The following GAK variants were observed in gnomAD, a reference collection of about 807,000 sequenced individuals.
The protein encoded by GAK is cyclin-G-associated kinase.
In GAK, 79 loss-of-function variants were observed where a neutral mutation model predicts 143.9. The observed-to-expected ratio is 0.55, with a 90% CI of 0.46 to 0.66. The LOEUF is 0.66. Among genes scored for constraint, GAK ranks in the 30% least tolerant of loss-of-function variants. The pLI is 0.00. For missense variants in GAK, 1,693 were observed against 1,779.7 expected (o/e 0.95, Z 0.88); for synonymous variants, 881 against 765.5 (o/e 1.15, Z -2.49).
chr4:851,913 G>A lies in GAK; in HGVS notation c.3345C>T (p.Gly1115=). The A allele has an allele frequency of 6.2e-7, 1 of 1,613,442 alleles. No homozygotes were observed. The highest frequency in any genetic ancestry group is 1.1e-5 in the South Asian group (1 of 91,060). The change falls in exon 25 of 28, where the codon GGC becomes GGT. Residue 1115 remains glycine, a synonymous_variant. Coordinates refer to ENST00000314167, the MANE Select transcript of GAK (RefSeq NM_005255.4). ...GCCGACTTGTCTGCCAGGAGCTGCT[G>A]CCTTTGGGCGTGGTGGCCGTTTTGG... The part of the protein sequence containing the change: ...FIPKTATTPK[G]SSSWQTSRPP...
At position 866,529 on chromosome 4, in the gene GAK, G is replaced by T; in HGVS notation, c.2878C>A (p.Pro960Thr). Residue 960 changes from proline to threonine, a missense_variant, in exon 22 of 28, where the codon CCC becomes ACC. By Grantham distance (38) the Pro-to-Thr change is conservative. Transcript: ENST00000314167. ...PRGGPPAAAD[P>T]FGPLLPSSGN... ...GAAGACGGCAGAAGCGGGCCAAAGG[G>T]GTCAGCTGTGGGGACAGGCGGGCAT... The T allele has an allele frequency of 6.2e-7, 1 of 1,613,382 alleles. No homozygotes were observed. The highest frequency in any genetic ancestry group is 1.1e-5 in the South Asian group (1 of 91,004).
At chr4:924,436 T>A (rs11723135) in intron 1 of GAK, among the ~76,000 whole-genome samples, 85,702 of 151,872 alleles carry the variant, frequency 0.56, 24,654 homozygotes, top group South Asian at 0.67. Flanking sequence ...AAATCAGCAA[T>A]CCTACTCCTT....
intron 24 of GAK, among the ~76,000 whole-genome samples, chr4:856,441 AGCT>A (rs1313601410): frequency 8.2e-6 from 1 of 122,586 alleles, no homozygotes; most frequent in Admixed American, 8.5e-5. Flanking sequence ...TGCTCACCAC[AGCT>A]GCTCACTACA....
Position 911,118 on chromosome 4 carries a change from C to A in GAK, c.382+555G>T, listed in dbSNP as rs924799289. Among the ~76,000 whole-genome samples, 19 of 152,264 alleles carry A rather than the reference C, an allele frequency of 1.2e-4. 3 individuals carry two copies. The highest frequency in any genetic ancestry group is 1.9e-4 in the East Asian group (1 of 5,178). On this transcript the variant is annotated intron_variant, in intron 4 of 27. Transcript: ENST00000314167. The stretch of plus-strand genomic sequence containing the variant: ...TGTCCTGACAAACGGACCATGGAGT[C>A]GTTGTGCCATCTTCCTGGGCTCAAC...
Position 849,647 on chromosome 4 carries a change from T to C in GAK, c.*26A>G, listed in dbSNP as rs1747702425. 2 of 1,566,964 alleles carry C rather than the reference T, an allele frequency of 1.3e-6. No homozygotes were observed. Among genetic ancestry groups the C allele is most frequent in the Non-Finnish European group, 1.8e-6 (2 of 1,141,500 alleles). On this transcript the variant is annotated 3_prime_UTR_variant, in exon 28 of 28. Coordinates refer to ENST00000314167, the MANE Select transcript of GAK (RefSeq NM_005255.4). Reference sequence around the variant, plus strand: ...CGACGGCTCCCAACCTGTGGAGCTGTGTGCGCAGCCACCACCACTGCGGCC... The same window carrying C: ...CGACGGCTCCCAACCTGTGGAGCTGCGTGCGCAGCCACCACCACTGCGGCC...
chr4:868,552 C>A lies in GAK; in HGVS notation c.2382G>T (p.Thr794=), dbSNP rs115244803. 10,516 of 1,607,490 alleles carry A rather than the reference C, an allele frequency of 6.5e-3. 43 individuals carry two copies. The highest frequency in any genetic ancestry group is 8.3e-3 in the Non-Finnish European group (9,730 of 1,178,484). ...GACGCTGCCTACCCTGCCAGTCCAG[C>A]GTGTGCAGGAAGCGACTGGCGTCCG... The part of the protein sequence containing the change: ...SSADASRFLH[T]LDWQEEKEAE... Residue 794 remains threonine (T), a synonymous_variant, in exon 20 of 28, where the codon ACG becomes ACT. Coordinates refer to ENST00000314167, the MANE Select transcript of GAK (RefSeq NM_005255.4).
intron 9 of GAK, among the ~76,000 whole-genome samples, chr4:891,065 C>G (rs1327702972): frequency 1.3e-5 from 2 of 151,716 alleles, no homozygotes. Context: ...TCAAGCAATT[C>G]TCCTGCCTCA....
At chr4:901,272 G>T (rs3755960) in intron 5 of GAK, among the ~76,000 whole-genome samples, 15,615 of 151,840 alleles carry the variant, frequency 0.1, 914 homozygotes, top group South Asian at 0.19. Flanking sequence ...AGGGCACACA[G>T]GGAGAGCCAC....
At chr4:853,486 A>T (rs1223752393) in intron 24 of GAK, 1 of 152,284 alleles carries the variant, frequency 6.6e-6, no homozygotes, top group Non-Finnish European at 1.5e-5. Flanking sequence ...TGCCTGAGAG[A>T]CACGGCTCAA....
intron 10 of GAK, among the ~76,000 whole-genome samples, chr4:890,129 G>T (rs923168632): frequency 2.0e-5 from 3 of 152,244 alleles, no homozygotes; most frequent in Non-Finnish European, 4.4e-5. Context: ...AGGGGTGTCT[G>T]TTTCCCTGGG....
chr4:861,958 G>A (rs759723305), intron 23 of GAK, among the ~76,000 whole-genome samples: 19 of 152,258 alleles, frequency 1.2e-4, no homozygotes, highest in Non-Finnish European at 2.2e-4. Flanking sequence ...GGCTGAGGCT[G>A]AAGGAAAGAT....
intron 9 of GAK, among the ~76,000 whole-genome samples, chr4:892,462 C>G (rs1343420102): frequency 2.6e-5 from 4 of 152,194 alleles, no homozygotes; most frequent in Non-Finnish European, 5.9e-5. Context: ...GATGCTGCAC[C>G]CTGTCCACGG....
chr4:852,371 G>A (rs533100589), intron 24 of GAK: 11 of 256,818 alleles, frequency 4.3e-5, no homozygotes, highest in Middle Eastern at 1.3e-3. Context: ...CGTCTGTAGC[G>A]TCCTAGAGGG....
In GAK at chr4:881,996, G is replaced by A. The variant is rs745854362; in HGVS notation, c.1572C>T (p.Cys524=). The A allele has an allele frequency of 7.5e-6, 12 of 1,606,974 alleles. No individual in the cohort carries two copies. The South Asian group carries it at 1.1e-4, about 15-fold the overall frequency. Residue 524 remains cysteine, a synonymous_variant, in exon 15 of 28, where the codon TGC becomes TGT. Transcript: ENST00000314167. ...ASAVAVCSFL[C]FCRLFSTAEA... ...CCGCGGTGCTGAAGAGACGGCAGAA[G>A]CACAGGAAGGAGCAGACGGCCACAG...
intron 1 of GAK, among the ~76,000 whole-genome samples, chr4:919,552 C>G (rs1723597823): frequency 6.6e-6 from 1 of 152,382 alleles, no homozygotes; most frequent in African/African-American, 2.4e-5. Context: ...TGCCCAGGGC[C>G]TTCCCACACA....
chr4:856,601 G>GCTGCTCACAGGTGCTCACAC (rs1749306456), intron 24 of GAK, among the ~76,000 whole-genome samples: 5 of 99,092 alleles, frequency 5.0e-5, no homozygotes, highest in African/African-American at 2.3e-4. Flanking sequence ...GGTGCTCACA[G>GCTGCTCACAGGTGCTCACAC]CTGCTCACCA....
Position 882,678 on chromosome 4 carries a change from C to G in GAK, c.1527+19G>C, listed in dbSNP as rs779809856. The G allele has an allele frequency of 9.3e-6, 15 of 1,609,210 alleles. No homozygotes were observed. The South Asian group carries it at 1.6e-4, about 18-fold the overall frequency. ...AACTTTGACAGAAGACGGCGCCAGCCCACGGCCCTCGAGCTCACCATGCAG... is the reference window on the plus strand; with the variant it reads ...AACTTTGACAGAAGACGGCGCCAGCGCACGGCCCTCGAGCTCACCATGCAG... On this transcript the variant is annotated intron_variant, in intron 14 of 27. Transcript: ENST00000314167.
intron 5 of GAK, among the ~76,000 whole-genome samples, chr4:898,413 G>A (rs764246186): frequency 5.9e-5 from 9 of 152,270 alleles, no homozygotes; most frequent in African/African-American, 1.7e-4. Flanking sequence ...AGCGGGCCCC[G>A]AGGGGCTGAG....
At chr4:928,505 G>A (rs1725192779) in intron 1 of GAK, among the ~76,000 whole-genome samples, 1 of 152,206 alleles carries the variant, frequency 6.6e-6, no homozygotes, top group Admixed American at 6.5e-5. Flanking sequence ...CACTCAACAT[G>A]GGCGACAGAG....
Sources: gnomAD v4.1 joint callset for allele counts (sites outside exome capture counted in the v4.1 genomes callset) on GRCh38, gnomAD v4.1.1 for gene constraint, MANE v1.5 for transcripts, NCBI Gene and HGNC (gene_info 2026-07-23, HGNC 2026-07-21) for gene names.